Variants in KIF26A observed in about 807,000 individuals in gnomAD.
KIF26A encodes the protein kinesin-like protein KIF26A.
In KIF26A, 74 loss-of-function variants were observed where a neutral mutation model predicts 126.0. The observed-to-expected ratio is 0.59, with a 90% CI of 0.49 to 0.71. The LOEUF (loss-of-function observed/expected upper bound fraction) is 0.71, where lower values mean the gene tolerates loss of function less well. KIF26A is among the 30% of genes least tolerant of loss of function. The pLI is 0.00. For missense variants in KIF26A, 2,984 were observed against 2,763.3 expected, an observed-to-expected ratio of 1.08 and a Z score of -1.79; for synonymous variants, 1,445 against 1,232.7, an observed-to-expected ratio of 1.17 and a Z score of -3.61.
chr14:104,156,236 G>A (rs1004301293), intron 3 of KIF26A, among the ~76,000 whole-genome samples: 3 of 152,220 alleles, frequency 2.0e-5, no homozygotes, highest in Admixed American at 1.3e-4. Context: ...TTAGGCTTTT[G>A]ATAGGGAGCA....
At position 104,138,671 on chromosome 14, in the gene KIF26A, G is replaced by A. The variant is rs2037606808; in HGVS notation, c.-52G>A. The A allele has an allele frequency of 8.0e-7, 1 of 1,247,040 alleles. No homozygotes were observed. Among genetic ancestry groups the A allele is most frequent in the East Asian group, 3.5e-5 (1 of 28,200 alleles). 77.2% of individuals were successfully genotyped at this position (1,247,040 alleles called of 1,614,324 possible). On this transcript the variant is annotated 5_prime_UTR_variant, in exon 1 of 15. Coordinates refer to ENST00000423312, the MANE Select transcript of KIF26A (RefSeq NM_015656.2). ...CGGATCACGTAGCCGCGGCGCCCCC[G>A]GAGAGCCAGCGTGGCCGGGAGCGCC...
In KIF26A at chr14:104,180,004, C is replaced by T; in HGVS notation, c.*214C>T. The T allele has an allele frequency of 2.1e-6, 1 of 477,652 alleles. No homozygotes were observed. The highest frequency in any genetic ancestry group is 3.6e-6 in the Non-Finnish European group (1 of 275,972). 29.6% of individuals were successfully genotyped at this position (477,652 alleles called of 1,614,324 possible). ...CAGGGTGACCAGAAGACCGTCACCA[C>T]CCGACAGCAACGCAAGTGCCTTTGA... On this transcript the variant is annotated 3_prime_UTR_variant, in exon 15 of 15. Transcript: ENST00000423312.
intron 3 of KIF26A, among the ~76,000 whole-genome samples, chr14:104,155,806 C>T (rs2037771725): frequency 1.3e-5 from 2 of 152,242 alleles, no homozygotes; most frequent in Non-Finnish European, 2.9e-5. Flanking sequence ...CCGGAACCTT[C>T]TGGCCGGAGG....
In KIF26A at chr14:104,174,327, G is replaced by C; in HGVS notation, c.2193+17G>C. The C allele has an allele frequency of 6.6e-7, 1 of 1,506,728 alleles. No homozygotes were observed. The highest frequency in any genetic ancestry group is 1.3e-5 in the South Asian group (1 of 79,574). 93.3% of individuals were successfully genotyped at this position (1,506,728 alleles called of 1,614,324 possible). On this transcript the variant is annotated intron_variant, in intron 11 of 14. Transcript: ENST00000423312. The stretch of plus-strand genomic sequence containing the variant: ...AAGGCCAAGGTGCTCCCCACCTCCT[G>C]CCCGCCCCATCTCGGGGCCGTCTCG...
In KIF26A at chr14:104,148,642, TG is replaced by T. The variant is rs1456836437; in HGVS notation, c.289-3368del. ...GAGCAGGATTTGTTGTTGTTGGCGG[TG>T]GGGGCTGTGCGTGGCCGGGGAGGGG... On this transcript the variant is annotated intron_variant, in intron 2 of 14. Transcript: ENST00000423312. This position sits in a 1 kb window ranked among gnomAD's most constrained non-coding sequence, Gnocchi z 4.3. Among the ~76,000 whole-genome samples, 1 of 9,464 alleles carries T rather than the reference TG, an allele frequency of 1.1e-4. No individual in the cohort carries two copies. The highest frequency in any genetic ancestry group is 1.9e-4 in the Non-Finnish European group (1 of 5,190). The allele number at this position is 9,464 out of a possible 152,430, so 6.2% of individuals were successfully genotyped here. A position where few individuals can be genotyped will look rare whatever the true frequency, so the allele number is the denominator to read the frequency against.
chr14:104,141,282 C>T (rs1462560830), intron 2 of KIF26A, among the ~76,000 whole-genome samples: 1 of 152,236 alleles, frequency 6.6e-6, no homozygotes, highest in Admixed American at 6.5e-5. Flanking sequence ...GTAAGGCCAA[C>T]GTGGCAAGGG....
chr14:104,176,737 A>G lies in KIF26A; in HGVS notation c.3949A>G (p.Thr1317Ala), dbSNP rs2038033568. 1.3e-6 allele frequency: 2 copies of G among 1,586,972 alleles called. No individual in the cohort carries two copies. Among genetic ancestry groups the G allele is most frequent in the Admixed American group, 3.5e-5 (2 of 57,062 alleles). ...RRGATTLGVT[T>A]PAVSWGDAPT... Reference sequence around the variant, plus strand: ...GGGTGCCACCACGCTGGGTGTGACAACGCCAGCTGTGTCCTGGGGAGATGC... The same window carrying G: ...GGGTGCCACCACGCTGGGTGTGACAGCGCCAGCTGTGTCCTGGGGAGATGC... The change falls in exon 12 of 15, where the codon ACG becomes GCG. Residue 1317 changes from threonine to alanine, a missense_variant. Coordinates refer to ENST00000423312, the MANE Select transcript of KIF26A (RefSeq NM_015656.2).
intron 4 of KIF26A, among the ~76,000 whole-genome samples, chr14:104,159,022 C>T (rs1268013615): frequency 2.0e-5 from 3 of 152,184 alleles, no homozygotes; most frequent in Admixed American, 6.5e-5. Flanking sequence ...CCCTGGGGAC[C>T]GTGTGGTCTG....
At chr14:104,179,206 G>T in intron 13 of KIF26A, 30 bp from the exon 14 acceptor site, 1 of 1,437,030 alleles carries the variant, frequency 7.0e-7, no homozygotes, top group South Asian at 1.5e-5. Context: ...AGGGTCCCAT[G>T]CCTGAGCCCC....
Position 104,175,247 on chromosome 14 carries a change from C to T in KIF26A, c.2459C>T (p.Ala820Val). 1 of 1,608,032 alleles carries T rather than the reference C, an allele frequency of 6.2e-7. No homozygotes were observed. Among genetic ancestry groups the T allele is most frequent in the African/African-American group, 1.3e-5 (1 of 75,056 alleles). Residue 820 changes from alanine (A) to valine (V), a missense_variant, in exon 12 of 15, where the codon GCC becomes GTC. Physicochemically the swap from Ala to Val is moderately conservative, Grantham distance 64. Coordinates refer to ENST00000423312, the MANE Select transcript of KIF26A (RefSeq NM_015656.2). ...CCTGACTTCGTGCCCATCATCCCTGCCCTGAGCCGCCACCGGCCCTCCAAG... is the reference window on the plus strand; with the variant it reads ...CCTGACTTCGTGCCCATCATCCCTGTCCTGAGCCGCCACCGGCCCTCCAAG... ...GPPDFVPIIP[A>V]LSRHRPSKGP... is the part of the protein sequence containing the mutation.
chr14:104,162,041 G>A (rs1404015784), intron 4 of KIF26A, among the ~76,000 whole-genome samples: 2 of 152,244 alleles, frequency 1.3e-5, no homozygotes, highest in Non-Finnish European at 1.5e-5. Context: ...CCCAAGCGTG[G>A]TAGCCAGATG....
At position 104,173,710 on chromosome 14, in the gene KIF26A, C is replaced by T. The variant is rs765982824; in HGVS notation, c.1872C>T (p.Ser624=). Residue 624 remains serine, a synonymous_variant, in exon 10 of 15, where the codon TCC becomes TCT. Transcript: ENST00000423312. ...RMEKCGRGGM[S]GGRSRLHLID... ...TTGCTTGCCTTGTGGTTCCAGTGTC[C>T]GGAGGCCGCAGCCGCCTGCACCTCA... 5.0e-5 allele frequency: 81 copies of T among 1,610,742 alleles called. No individual in the cohort carries two copies. Among genetic ancestry groups the T allele is most frequent in the Middle Eastern group, 3.5e-4 (2 of 5,686 alleles).
chr14:104,175,197 G>A lies in KIF26A; in HGVS notation c.2409G>A (p.Arg803=), dbSNP rs2038004674. The A allele has an allele frequency of 1.2e-6, 2 of 1,609,440 alleles. No homozygotes were observed. Among genetic ancestry groups the A allele is most frequent in the South Asian group, 2.2e-5 (2 of 90,412 alleles). Residue 803 remains arginine (R), a synonymous_variant, in exon 12 of 15, where the codon CGG becomes CGA. Coordinates refer to ENST00000423312, the MANE Select transcript of KIF26A (RefSeq NM_015656.2). ...VGPGGAALSD[R]ELTDNEGPPD... Reference sequence around the variant, plus strand: ...CCGGTGGGGCGGCGCTGTCAGACCGGGAGCTCACCGACAACGAAGGTCCGC... The same window carrying A: ...CCGGTGGGGCGGCGCTGTCAGACCGAGAGCTCACCGACAACGAAGGTCCGC...
At chr14:104,168,573 C>A (rs1290780424) in intron 5 of KIF26A, among the ~76,000 whole-genome samples, 1 of 152,148 alleles carries the variant, frequency 6.6e-6, no homozygotes, top group Non-Finnish European at 1.5e-5. Flanking sequence ...GCATGGGTGT[C>A]CAGAGGGGAG....
chr14:104,138,635 C>T lies in KIF26A; in HGVS notation c.-88C>T. ...GAGCGGCTGGGCCGGGCCATGGGGGCGCCTCGGGGCCGGATCACGTAGCCG... is the reference window on the plus strand; with the variant it reads ...GAGCGGCTGGGCCGGGCCATGGGGGTGCCTCGGGGCCGGATCACGTAGCCG... On this transcript the variant is annotated 5_prime_UTR_variant, in exon 1 of 15. Transcript: ENST00000423312. The T allele has an allele frequency of 9.5e-7, 1 of 1,047,842 alleles. No homozygotes were observed. Among genetic ancestry groups the T allele is most frequent in the Non-Finnish European group, 1.2e-6 (1 of 829,260 alleles). 64.9% of individuals were successfully genotyped at this position (1,047,842 alleles called of 1,614,324 possible).
At position 104,176,955 on chromosome 14, in the gene KIF26A, G is replaced by A. The variant is rs1465519849; in HGVS notation, c.4167G>A (p.Arg1389=). The A allele has an allele frequency of 6.5e-7, 1 of 1,535,014 alleles. No individual in the cohort carries two copies. The highest frequency in any genetic ancestry group is 1.2e-5 in the South Asian group (1 of 83,966). The change falls in exon 12 of 15, where the codon CGG becomes CGA. Residue 1389 remains arginine, a synonymous_variant. Coordinates refer to ENST00000423312, the MANE Select transcript of KIF26A (RefSeq NM_015656.2). ...SAPPHAVNPA[R]VGAAAVLRGE... is the part of the protein sequence containing the mutation. ...CTCCGCATGCTGTGAACCCGGCGCG[G>A]GTCGGGGCTGCTGCTGTCCTTCGAG...
In KIF26A at chr14:104,177,904, T is replaced by C; in HGVS notation, c.5110+6T>C. On this transcript the variant is annotated splice_donor_region_variant and intron_variant, in intron 12 of 14. Coordinates refer to ENST00000423312, the MANE Select transcript of KIF26A (RefSeq NM_015656.2). ...CCCCAAGAAGAGGGCCACAGGTGGGTGCAGAGGTGCACAGCCCTCTACAGT... is the reference window on the plus strand; with the variant it reads ...CCCCAAGAAGAGGGCCACAGGTGGGCGCAGAGGTGCACAGCCCTCTACAGT... 1 of 1,513,458 alleles carries C rather than the reference T, an allele frequency of 6.6e-7. No homozygotes were observed. 93.8% of individuals were successfully genotyped at this position (1,513,458 alleles called of 1,614,324 possible).
Position 104,175,736 on chromosome 14 carries a change from G to T in KIF26A, c.2948G>T (p.Gly983Val). ...TDGVARTPPV[G>V]MSGQVAGSPM... ...GGAGTGGCACGGACCCCTCCCGTGGGCATGAGTGGGCAGGTGGCTGGGTCC... is the reference window on the plus strand; with the variant it reads ...GGAGTGGCACGGACCCCTCCCGTGGTCATGAGTGGGCAGGTGGCTGGGTCC... The change falls in exon 12 of 15, where the codon GGC (glycine) becomes GTC (valine). Residue 983 changes from glycine to valine, a missense_variant. Transcript: ENST00000423312. 1 of 1,555,906 alleles carries T rather than the reference G, an allele frequency of 6.4e-7. No homozygotes were observed.
intron 7 of KIF26A, 110 bp downstream of exon 7, chr14:104,172,778 G>T: frequency 9.4e-7 from 1 of 1,061,362 alleles, no homozygotes; most frequent in Non-Finnish European, 1.4e-6. Context: ...TCCTACACAT[G>T]GGCCGTGGTG....
Sources: gnomAD v4.1 joint callset for allele counts (sites outside exome capture counted in the v4.1 genomes callset) on GRCh38, gnomAD v4.1.1 for gene constraint, Gnocchi (gnomAD v3.1) non-coding constraint, MANE v1.5 for transcripts, NCBI Gene and HGNC (gene_info 2026-07-23, HGNC 2026-07-21) for gene names.